The following DAB1 variants were observed in gnomAD, a reference collection of about 807,000 sequenced individuals.
DAB1 encodes the protein DAB adaptor protein 1.
DAB1 carries 15 observed loss-of-function variants against 64.6 expected under a neutral mutation model. The ratio of observed to expected loss-of-function variants is 0.23; its 90% CI spans 0.16 to 0.36. The LOEUF is 0.36. Among genes scored for constraint, DAB1 ranks in the 10% least tolerant of loss-of-function variants. The pLI, the probability that DAB1 is intolerant of heterozygous loss-of-function variation, is 1.00. For synonymous variants in DAB1, 235 were observed against 251.9 expected, an observed-to-expected ratio of 0.93 and a Z score of 0.64; for missense variants, 596 against 706.7, an observed-to-expected ratio of 0.84 and a Z score of 1.78.
intron 4 of DAB1, among the ~76,000 whole-genome samples, chr1:58,170,621 G>C (rs1656114667): frequency 6.6e-6 from 1 of 152,176 alleles, no homozygotes; most frequent in Non-Finnish European, 1.5e-5. Context: ...TGGTGGTTCA[G>C]AGAGGACAGT....
chr1:57,460,537 T>G (rs1186392684), intron 7 of DAB1, among the ~76,000 whole-genome samples: 1 of 152,222 alleles, frequency 6.6e-6, no homozygotes, highest in Non-Finnish European at 1.5e-5. Context: ...GACTGTAGTT[T>G]GCCTGATGCA....
intron 5 of DAB1, among the ~76,000 whole-genome samples, chr1:58,043,249 C>G (rs1157156466): frequency 6.6e-6 from 1 of 152,146 alleles, no homozygotes; most frequent in Non-Finnish European, 1.5e-5. Flanking sequence ...GTACTAATTT[C>G]TTTATCAACA....
intron 6 of DAB1, among the ~76,000 whole-genome samples, chr1:57,753,658 C>T (rs2101806768): frequency 6.6e-6 from 1 of 152,320 alleles, no homozygotes; most frequent in East Asian, 1.9e-4. Flanking sequence ...ACATTTCATC[C>T]TATTGTTGCC....
At chr1:58,057,820 G>A (rs1648231119) in intron 5 of DAB1, among the ~76,000 whole-genome samples, 1 of 152,090 alleles carries the variant, frequency 6.6e-6, no homozygotes, top group Non-Finnish European at 1.5e-5. Flanking sequence ...TGCCCACAAT[G>A]AACACGGTCT....
intron 9 of DAB1, among the ~76,000 whole-genome samples, chr1:57,054,470 C>CTTT (rs58175883): frequency 3.3e-3 from 231 of 69,468 alleles, no homozygotes; most frequent in African/African-American, 4.4e-3. Flanking sequence ...CAGGAATGTG[C>CTTT]TTTTTTTTTT....
rs12037678 is a variant in DAB1, at chr1:57,724,300, A to G, written n.552-74635T>C. Among the ~76,000 whole-genome samples the G allele has an allele frequency of 4.4e-3, 321 of 73,024 alleles. 1 individual carries two copies. Among genetic ancestry groups the G allele is most frequent in the South Asian group, 0.019 (36 of 1,858 alleles). The allele number at this position is 73,024 out of a possible 152,430, so 47.9% of individuals were successfully genotyped here. On this transcript the variant is annotated intron_variant and non_coding_transcript_variant, in intron 6 of 20. Transcript: ENST00000485760. Reference sequence around the variant, plus strand: ...GAAGGAAGGAACGAAGGAAGGAAGGAAGGGAGGGAGGGAGGGAGGAAGGAA... The same window carrying G: ...GAAGGAAGGAACGAAGGAAGGAAGGGAGGGAGGGAGGGAGGGAGGAAGGAA...
chr1:57,299,693 C>T (rs555585431), intron 1 of DAB1, among the ~76,000 whole-genome samples: 1 of 152,296 alleles, frequency 6.6e-6, no homozygotes, highest in Admixed American at 6.5e-5. Context: ...TTCTAAAATT[C>T]TCACCTCTAA....
intron 3 of DAB1, among the ~76,000 whole-genome samples, chr1:58,466,520 G>T (rs547617241): frequency 4.5e-4 from 69 of 152,260 alleles, no homozygotes; most frequent in South Asian, 8.3e-4. Context: ...CCAAGGACTT[G>T]GAGCCTGGAA....
At chr1:58,048,421 G>T in intron 5 of DAB1, 2 of 952,746 alleles carry the variant, frequency 2.1e-6, no homozygotes. Flanking sequence ...CACCTCTATT[G>T]TTATAGCTGT....
At chr1:57,612,236 T>C (rs1645736838) in intron 7 of DAB1, among the ~76,000 whole-genome samples, 1 of 152,050 alleles carries the variant, frequency 6.6e-6, no homozygotes, top group African/African-American at 2.4e-5. Context: ...TGTGCGTGTG[T>C]GTGTGTAAAT....
At chr1:58,350,224 T>C (rs1488654884) in intron 3 of DAB1, among the ~76,000 whole-genome samples, 2 of 152,248 alleles carry the variant, frequency 1.3e-5, no homozygotes, top group Non-Finnish European at 2.9e-5. Flanking sequence ...GATCTTTTTT[T>C]CACGTGTTTG....
chr1:57,484,809 G>C (rs1335598448), intron 7 of DAB1, among the ~76,000 whole-genome samples: 1 of 152,192 alleles, frequency 6.6e-6, no homozygotes, highest in Non-Finnish European at 1.5e-5. Context: ...GAATGAGAGA[G>C]AGAGAGAGAA....
intron 4 of DAB1, among the ~76,000 whole-genome samples, chr1:58,166,501 T>C (rs1357199186): frequency 1.3e-5 from 2 of 152,206 alleles, no homozygotes; most frequent in African/African-American, 4.8e-5. Flanking sequence ...TTACATTTTA[T>C]TCCACTGCCT....
At chr1:57,831,123 C>T (rs1652567179) in intron 1 of DAB1, among the ~76,000 whole-genome samples, 1 of 152,084 alleles carries the variant, frequency 6.6e-6, no homozygotes. Flanking sequence ...CCACGTTAGC[C>T]AGGATGGTCT....
At chr1:58,167,266 C>T (rs1350476337) in intron 4 of DAB1, among the ~76,000 whole-genome samples, 2 of 151,844 alleles carry the variant, frequency 1.3e-5, no homozygotes, top group Non-Finnish European at 2.9e-5. Context: ...TAAAAATGCA[C>T]CAATCAGTGC....
At chr1:57,458,891 C>A (rs945230773) in intron 7 of DAB1, among the ~76,000 whole-genome samples, 2 of 151,988 alleles carry the variant, frequency 1.3e-5, no homozygotes, top group Admixed American at 1.3e-4. Context: ...AGGCCAAAAT[C>A]TTTTGCCTCT....
At chr1:57,354,504 T>C (rs1196230209) in intron 1 of DAB1, among the ~76,000 whole-genome samples, 2 of 152,114 alleles carry the variant, frequency 1.3e-5, no homozygotes, top group African/African-American at 4.8e-5. Flanking sequence ...TGATCAATGA[T>C]TTTCCACATC....
At chr1:57,021,373 G>A (rs569036415) in intron 11 of DAB1, among the ~76,000 whole-genome samples, 1 of 152,230 alleles carries the variant, frequency 6.6e-6, no homozygotes, top group East Asian at 1.9e-4. Context: ...GATATGGTTT[G>A]GCTGTGTCCC....
intron 4 of DAB1, among the ~76,000 whole-genome samples, chr1:58,241,726 CCTT>C (rs944675588): frequency 6.6e-6 from 1 of 152,038 alleles, no homozygotes; most frequent in Non-Finnish European, 1.5e-5. Context: ...AAAAGATGCT[CCTT>C]CTTGGCAGAC....
Sources: allele counts gnomAD v4.1 joint callset (sites outside exome capture counted in the v4.1 genomes callset), GRCh38; gene constraint gnomAD v4.1.1; transcripts MANE v1.5; gene names NCBI Gene and HGNC (gene_info 2026-07-23, HGNC 2026-07-21).